The following MEIKIN variants were observed in gnomAD, a reference collection of about 807,000 sequenced individuals.
MEIKIN encodes meiosis-specific kinetochore protein.
At chr5:131,807,369 T>A (rs888244203) in intron 12 of MEIKIN, 111 bp from the exon 13 acceptor site, 1 of 395,890 alleles carries the variant, frequency 2.5e-6, no homozygotes, top group Non-Finnish European at 4.4e-6. Flanking sequence ...TCACTCTAGT[T>A]TCAGCCCATC....
chr5:131,891,807 G>C (rs1207765527), intron 8 of MEIKIN, among the ~76,000 whole-genome samples: 1 of 152,208 alleles, frequency 6.6e-6, no homozygotes, highest in Admixed American at 6.5e-5. Context: ...CATCTTCGTA[G>C]CTTTGATGGT....
At chr5:131,862,205 C>G (rs1580877175) in intron 9 of MEIKIN, among the ~76,000 whole-genome samples, 2 of 151,946 alleles carry the variant, frequency 1.3e-5, no homozygotes, top group East Asian at 3.8e-4. Flanking sequence ...AGGAGTTTAC[C>G]CATTTCTCCA....
intron 10 of MEIKIN, 63 bp from the exon 11 acceptor site, chr5:131,851,446 T>C (rs1029410227): frequency 2.3e-5 from 9 of 395,292 alleles, no homozygotes; most frequent in African/African-American, 1.9e-4. Flanking sequence ...GATTTTTAAG[T>C]AATTAAAGAA....
At chr5:131,912,647 CAT>C (rs1198439619) in intron 7 of MEIKIN, among the ~76,000 whole-genome samples, 1 of 152,112 alleles carries the variant, frequency 6.6e-6, no homozygotes, top group African/African-American at 2.4e-5. Context: ...TTTATTCTTT[CAT>C]ATTTCCTTTT....
intron 9 of MEIKIN, 121 bp downstream of exon 9, chr5:131,878,857 A>T (rs977731444): frequency 5.3e-6 from 2 of 375,386 alleles, no homozygotes; most frequent in African/African-American, 4.2e-5. Context: ...CCTGGGTGAC[A>T]GAATGAGACC....
chr5:131,815,292 C>G (rs2149601443), intron 12 of MEIKIN, among the ~76,000 whole-genome samples: 1 of 152,250 alleles, frequency 6.6e-6, no homozygotes, highest in South Asian at 2.1e-4. Flanking sequence ...ATAGCACCAG[C>G]TAGGTGGCAA....
At chr5:131,819,869 G>A (rs1309361238) in intron 11 of MEIKIN, among the ~76,000 whole-genome samples, 4 of 131,754 alleles carry the variant, frequency 3.0e-5, no homozygotes, top group Admixed American at 8.4e-5. Flanking sequence ...TCCGCCTCCC[G>A]GGTTCACGCC....
At chr5:131,882,879 G>C (rs1054225910) in intron 8 of MEIKIN, among the ~76,000 whole-genome samples, 3 of 152,080 alleles carry the variant, frequency 2.0e-5, no homozygotes, top group African/African-American at 7.2e-5. Flanking sequence ...CTGCCCCCCA[G>C]GTTTCCACAA....
At chr5:131,871,757 C>T (rs1431033451) in intron 9 of MEIKIN, among the ~76,000 whole-genome samples, 7 of 152,168 alleles carry the variant, frequency 4.6e-5, no homozygotes, top group Middle Eastern at 3.4e-3. Context: ...CCAGTAGGGG[C>T]GGACTGACAC....
chr5:131,834,758 C>T (rs1374051819), intron 11 of MEIKIN, among the ~76,000 whole-genome samples: 1 of 152,138 alleles, frequency 6.6e-6, no homozygotes, highest in Non-Finnish European at 1.5e-5. Flanking sequence ...AATATTGCTG[C>T]AATAAACACG....
chr5:131,843,711 G>A (rs543140746), intron 11 of MEIKIN, among the ~76,000 whole-genome samples: 5 of 152,260 alleles, frequency 3.3e-5, no homozygotes, highest in African/African-American at 1.2e-4. Flanking sequence ...ATCACTATCA[G>A]CATTTTGGTC....
chr5:131,816,754 A>C (rs548810687), intron 12 of MEIKIN, among the ~76,000 whole-genome samples: 8 of 152,228 alleles, frequency 5.3e-5, no homozygotes, highest in Non-Finnish European at 8.8e-5. Context: ...GTTATCAGAG[A>C]TAGAGATAGA....
At chr5:131,916,389 T>C (rs1751416071) in intron 7 of MEIKIN, among the ~76,000 whole-genome samples, 1 of 152,248 alleles carries the variant, frequency 6.6e-6, no homozygotes, top group South Asian at 2.1e-4. Context: ...CTCTACATTC[T>C]TTCCCAAGGA....
At chr5:131,828,588 CAG>C (rs1362402654) in intron 11 of MEIKIN, among the ~76,000 whole-genome samples, 3 of 152,118 alleles carry the variant, frequency 2.0e-5, no homozygotes, top group Non-Finnish European at 4.4e-5. Context: ...CTCCATATAA[CAG>C]ATGCTCAAAA....
At chr5:131,854,675 CT>C (rs1750166180) in intron 10 of MEIKIN, 78 bp downstream of exon 10, 1 of 395,232 alleles carries the variant, frequency 2.5e-6, no homozygotes. Context: ...CAATATTTCC[CT>C]GATATGAGAA....
intron 11 of MEIKIN, among the ~76,000 whole-genome samples, chr5:131,826,694 T>C (rs141451345): frequency 1.1e-4 from 16 of 152,182 alleles, no homozygotes; most frequent in African/African-American, 3.4e-4. Context: ...TGATAGTGAG[T>C]GAGTTCTCAT....
chr5:131,901,131 A>T (rs1319409027), intron 8 of MEIKIN, among the ~76,000 whole-genome samples: 1 of 151,926 alleles, frequency 6.6e-6, no homozygotes, highest in Non-Finnish European at 1.5e-5. Flanking sequence ...TGACCAACAG[A>T]CCTACCCCAC....
intron 11 of MEIKIN, among the ~76,000 whole-genome samples, chr5:131,835,214 A>ATATATATGTGTATATATATATGTGTG (rs1561726831): frequency 6.6e-6 from 1 of 151,270 alleles, no homozygotes; most frequent in African/African-American, 2.4e-5. Flanking sequence ...ATATGTGTGT[A>ATATATATGTGTATATATATATGTGTG]TATATATGTG....
chr5:131,942,399 T>G (rs1296245755), intron 4 of MEIKIN, among the ~76,000 whole-genome samples: 2 of 152,240 alleles, frequency 1.3e-5, no homozygotes, highest in East Asian at 3.8e-4. Flanking sequence ...CTAGGTAAAC[T>G]CAATCACACT....
Sources: gnomAD v4.1 joint callset for allele counts (sites outside exome capture counted in the v4.1 genomes callset) on GRCh38, gnomAD v4.1.1 for gene constraint, MANE v1.5 for transcripts, NCBI Gene and HGNC (gene_info 2026-07-23, HGNC 2026-07-21) for gene names.